Variants in VWA3B observed in about 807,000 individuals in gnomAD.
VWA3B encodes the protein von Willebrand factor A domain-containing protein 3B.
A neutral mutation model predicts 158.3 loss-of-function variants in VWA3B; 138 were observed. The ratio of observed to expected loss-of-function variants is 0.87; its 90% confidence interval spans 0.76 to 1.00. VWA3B has a LOEUF of 1.00. Ranked by LOEUF, VWA3B falls within the 50% of genes least tolerant of loss-of-function variation. The pLI is 0.00. For synonymous variants in VWA3B, 596 were observed against 587.3 expected (o/e 1.01, Z -0.21); for missense variants, 1,555 against 1,565.1 (o/e 0.99, Z 0.11).
In VWA3B at chr2:98,230,184, A is replaced by G; in HGVS notation, c.2285A>G (p.Gln762Arg). Reference protein sequence around the residue: ...GPWGLSDQKVQKKKVLHAEST... With the variant: ...GPWGLSDQKVRKKKVLHAEST... ...TGGGGCCTTTCAGATCAAAAGGTTC[A>G]GAAAAAGAAAGTCCTTCACGCAGGT... Residue 762 changes from glutamine to arginine, a missense_variant, in exon 16 of 28, where the codon CAG (glutamine) becomes CGG (arginine). Transcript: ENST00000477737. 1 of 1,583,068 alleles carries G rather than the reference A, an allele frequency of 6.3e-7. No individual in the cohort carries two copies. The highest frequency in any genetic ancestry group is 8.5e-7 in the Non-Finnish European group (1 of 1,171,528).
intron 1 of VWA3B, among the ~76,000 whole-genome samples, chr2:98,092,049 A>G (rs1467735253): frequency 2.0e-5 from 3 of 152,264 alleles, no homozygotes; most frequent in Admixed American, 6.5e-5. Flanking sequence ...AGATGGCTAC[A>G]TGGGCCAGAA....
chr2:98,279,900 G>T (rs1164693357), intron 22 of VWA3B, among the ~76,000 whole-genome samples: 3 of 152,174 alleles, frequency 2.0e-5, no homozygotes, highest in Non-Finnish European at 4.4e-5. Flanking sequence ...ATGCGTGAGT[G>T]GGGGCGGAAT....
At chr2:98,194,263 A>G (rs969171676) in intron 11 of VWA3B, 98 bp from the exon 12 acceptor site, 3 of 1,272,244 alleles carry the variant, frequency 2.4e-6, no homozygotes, top group South Asian at 2.9e-5. Context: ...AACTGAAAAT[A>G]GAGACCATCA....
chr2:98,087,490 G>T (rs918363423), intron 1 of VWA3B, 127 bp downstream of exon 1: 2 of 152,222 alleles, frequency 1.3e-5, no homozygotes, highest in Non-Finnish European at 2.9e-5. Context: ...TTACAGATGC[G>T]GAAACAGTAC....
rs748853853 is a variant in VWA3B at position 98,230,059 on chromosome 2, G to A, written c.2160G>A (p.Lys720=). ...ATCTAAATCAAAACAGGCATCAAAA[G>A]GAAATCTGTTCTATGATTTCAACCC... ...AEKDGDSKHQ[K]EICSMISTPE... The change falls in exon 16 of 28, where the codon AAG becomes AAA. Residue 720 remains lysine (K), a synonymous_variant. Coordinates refer to ENST00000477737, the MANE Select transcript of VWA3B (RefSeq NM_144992.5). The A allele has an allele frequency of 1.3e-5, 21 of 1,568,588 alleles. No homozygotes were observed. The highest frequency in any genetic ancestry group is 1.7e-4 in the Middle Eastern group (1 of 5,854).
intron 22 of VWA3B, among the ~76,000 whole-genome samples, chr2:98,289,775 G>A (rs1330285435): frequency 6.6e-6 from 1 of 152,160 alleles, no homozygotes; most frequent in African/African-American, 2.4e-5. Context: ...CATGGTGCTG[G>A]TGTAGTCTTT....
intron 21 of VWA3B, among the ~76,000 whole-genome samples, chr2:98,257,019 TG>T (rs1687197707): frequency 6.6e-6 from 1 of 152,154 alleles, no homozygotes; most frequent in South Asian, 2.1e-4. Flanking sequence ...CTCCCTACTG[TG>T]TTGTCAAGTG....
chr2:98,121,524 A>C, intron 5 of VWA3B, 66 bp downstream of exon 5: 1 of 1,577,074 alleles, frequency 6.3e-7, no homozygotes, highest in African/African-American at 1.3e-5. Flanking sequence ...CTTCACACTC[A>C]GTGACTTTAC....
intron 14 of VWA3B, among the ~76,000 whole-genome samples, chr2:98,218,533 G>A (rs1418925683): frequency 6.6e-6 from 1 of 152,320 alleles, no homozygotes; most frequent in South Asian, 2.1e-4. Context: ...TCAGATGTAG[G>A]TGGTTAGTTG....
At chr2:98,237,105 C>T (rs1685752674) in intron 19 of VWA3B, among the ~76,000 whole-genome samples, 1 of 152,236 alleles carries the variant, frequency 6.6e-6, no homozygotes, top group African/African-American at 2.4e-5. Context: ...GAGCCTGAGA[C>T]ATCGAGGCTG....
At chr2:98,198,820 C>T (rs571313240) in intron 12 of VWA3B, among the ~76,000 whole-genome samples, 9 of 152,294 alleles carry the variant, frequency 5.9e-5, no homozygotes, top group Admixed American at 3.9e-4. Context: ...TAACACTTGA[C>T]CCCTGCCTGT....
Position 98,250,345 on chromosome 2 carries a change from G to A in VWA3B, c.2701G>A (p.Asp901Asn), listed in dbSNP as rs749921611. 9 of 1,612,638 alleles carry A rather than the reference G, an allele frequency of 5.6e-6. No homozygotes were observed. The highest frequency in any genetic ancestry group is 3.3e-5 in the Admixed American group (2 of 59,726). The change falls in exon 20 of 28, where the codon GAC becomes AAC. Residue 901 changes from aspartate (D) to asparagine (N), a missense_variant. Transcript: ENST00000477737. The part of the protein sequence containing the change: ...EVFPLAHVCN[D>N]TNKMTLINPQ... ...GTTCCCTCTGGCACATGTGTGCAAC[G>A]ACACAAATAAGATGACATTAATTAA...
chr2:98,129,224 A>AGTGTGTGTGTGTGTGT lies in VWA3B; in HGVS notation c.872+836_872+851dup, dbSNP rs1228441504. Reference sequence around the variant, plus strand: ...AGAGAGAGGAGAGAGAGAGAGAGAGAGTGTGTGTGTGTGTGTGTGTGTGTG... The same window carrying AGTGTGTGTGTGTGTGT: ...AGAGAGAGGAGAGAGAGAGAGAGAGAGTGTGTGTGTGTGTGTGTGTGTGTGTGTGTGTGTGTGTGTG... On this transcript the variant is annotated intron_variant, in intron 6 of 27. Transcript: ENST00000477737. 1.2e-4 allele frequency among the ~76,000 whole-genome samples: 15 copies of AGTGTGTGTGTGTGTGT among 124,656 alleles called. No individual in the cohort carries two copies. The East Asian group carries it at 2.4e-3, about 20-fold the overall frequency. 81.8% of individuals were successfully genotyped at this position (124,656 alleles called of 152,430 possible).
rs62154945 is a variant in VWA3B, at chr2:98,211,926, G to T, written c.1738-4G>T. ...TGTGTCCTTGGTGTCTCTTTTTTCC[G>T]TAGATTGGAAGCTCCACAAACACCC... On this transcript the variant is annotated splice_region_variant and splice_polypyrimidine_tract_variant and intron_variant, in intron 12 of 27. Coordinates refer to ENST00000477737, the MANE Select transcript of VWA3B (RefSeq NM_144992.5). 1.9e-6 allele frequency: 3 copies of T among 1,611,282 alleles called. No individual in the cohort carries two copies. The highest frequency in any genetic ancestry group is 2.2e-5 in the South Asian group (2 of 90,688).
intron 13 of VWA3B, chr2:98,216,815 C>A: frequency 1.5e-6 from 1 of 647,472 alleles, no homozygotes; most frequent in Non-Finnish European, 2.6e-6. Flanking sequence ...CAGTTCTGAG[C>A]CACAGATGAG....
chr2:98,315,029 C>T (rs17428745), downstream of VWA3B, among the ~76,000 whole-genome samples: 19,578 of 151,744 alleles, frequency 0.13, 1,810 homozygotes, highest in Non-Finnish European at 0.19. Context: ...GAATCAGCTC[C>T]GGAATGACAC....
chr2:98,134,156 G>A (rs572929218), intron 7 of VWA3B, among the ~76,000 whole-genome samples: 1 of 152,368 alleles, frequency 6.6e-6, no homozygotes. Flanking sequence ...CCTAAGCGAT[G>A]TGTGTTTACT....
chr2:98,138,854 G>A (rs1056451796), intron 7 of VWA3B, among the ~76,000 whole-genome samples: 1 of 152,210 alleles, frequency 6.6e-6, no homozygotes, highest in Admixed American at 6.5e-5. Context: ...AGTCCTCACA[G>A]CCTCGCTCAC....
intron 7 of VWA3B, among the ~76,000 whole-genome samples, chr2:98,146,290 G>A (rs1019541550): frequency 2.0e-5 from 3 of 152,070 alleles, no homozygotes; most frequent in Non-Finnish European, 4.4e-5. Flanking sequence ...TGGATGCTAT[G>A]TATCAGCTTC....
Sources: gnomAD v4.1 joint callset for allele counts (sites outside exome capture counted in the v4.1 genomes callset) on GRCh38, gnomAD v4.1.1 for gene constraint, MANE v1.5 for transcripts, NCBI Gene and HGNC (gene_info 2026-07-23, HGNC 2026-07-21) for gene names.